MFHAS1: variants seen among roughly 807,000 people sequenced by gnomAD.
MFHAS1 encodes the protein malignant fibrous histiocytoma-amplified sequence 1.
In MFHAS1, 50 loss-of-function variants were observed where a neutral mutation model predicts 70.4. The ratio of observed to expected loss-of-function variants is 0.71; its 90% CI spans 0.57 to 0.90. The LOEUF is 0.90. Ranked by LOEUF, MFHAS1 falls within the 40% of genes least tolerant of loss-of-function variation. The probability of loss-of-function intolerance (pLI) is 0.00; values close to 1 mark genes in which losing one functional copy is unlikely to be tolerated. For synonymous variants in MFHAS1, 952 were observed against 620.0 expected (o/e 1.54, Z -7.96); for missense variants, 1,795 against 1,347.6 (o/e 1.33, Z -5.20).
chr8:8,872,082 G>A (rs940656277), intron 1 of MFHAS1, among the ~76,000 whole-genome samples: 1 of 152,216 alleles, frequency 6.6e-6, no homozygotes, highest in African/African-American at 2.4e-5. Flanking sequence ...ATGCCCGGAT[G>A]GCAAGCATTA....
At chr8:8,848,839 G>A (rs73525731) in intron 1 of MFHAS1, among the ~76,000 whole-genome samples, 31 of 152,250 alleles carry the variant, frequency 2.0e-4, no homozygotes, top group South Asian at 2.1e-4. Flanking sequence ...CAAACAGTGC[G>A]AAGTCGGTTT....
chr8:8,840,461 C>CAAAAAA (rs141909980), intron 1 of MFHAS1, among the ~76,000 whole-genome samples: 144 of 81,558 alleles, frequency 1.8e-3, no homozygotes, highest in Non-Finnish European at 2.0e-3. Flanking sequence ...CATCTCAATA[C>CAAAAAA]AAAAAAAAAA....
At chr8:8,859,646 A>G (rs1370373906) in intron 1 of MFHAS1, among the ~76,000 whole-genome samples, 1 of 152,196 alleles carries the variant, frequency 6.6e-6, no homozygotes, top group East Asian at 1.9e-4. Context: ...AACAGTAAAT[A>G]TATTTCCTCT....
At chr8:8,793,731 C>A (rs1278459448) in intron 2 of MFHAS1, among the ~76,000 whole-genome samples, 1 of 152,210 alleles carries the variant, frequency 6.6e-6, no homozygotes, top group African/African-American at 2.4e-5. Flanking sequence ...AGTCCTAAGG[C>A]CCCACTGGCC....
intron 1 of MFHAS1, among the ~76,000 whole-genome samples, chr8:8,878,932 G>T (rs1398612706): frequency 6.6e-6 from 1 of 152,166 alleles, no homozygotes; most frequent in Non-Finnish European, 1.5e-5. Flanking sequence ...TTTTTATTAT[G>T]ATGATATGCA....
At chr8:8,847,076 T>C (rs1442589003) in intron 1 of MFHAS1, among the ~76,000 whole-genome samples, 1 of 152,248 alleles carries the variant, frequency 6.6e-6, no homozygotes, top group Non-Finnish European at 1.5e-5. Flanking sequence ...TCTTAGATTT[T>C]TCAGAGGAAT....
At chr8:8,849,525 G>A (rs1256644754) in intron 1 of MFHAS1, among the ~76,000 whole-genome samples, 10 of 152,198 alleles carry the variant, frequency 6.6e-5, no homozygotes, top group African/African-American at 1.2e-4. Context: ...AGTAAGAAAC[G>A]TGGGGTTATT....
intron 1 of MFHAS1, among the ~76,000 whole-genome samples, chr8:8,852,622 C>T (rs897379053): frequency 4.6e-5 from 7 of 152,152 alleles, no homozygotes; most frequent in Admixed American, 2.0e-4. Flanking sequence ...TGGACACCAT[C>T]GCCCTTCATT....
intron 1 of MFHAS1, among the ~76,000 whole-genome samples, chr8:8,811,664 T>C (rs1489639091): frequency 6.6e-6 from 1 of 152,156 alleles, no homozygotes; most frequent in Non-Finnish European, 1.5e-5. Flanking sequence ...GGACGTAAGC[T>C]CCACAAGAGT....
At chr8:8,798,285 C>T (rs1185767229) in intron 1 of MFHAS1, among the ~76,000 whole-genome samples, 1 of 152,168 alleles carries the variant, frequency 6.6e-6, no homozygotes. Flanking sequence ...AGATGGGACA[C>T]ATTATTGTTC....
chr8:8,846,281 G>C lies in MFHAS1; in HGVS notation c.2998+43780C>G, dbSNP rs574557821. On this transcript the variant is annotated intron_variant, in intron 1 of 2. Coordinates refer to ENST00000276282, the MANE Select transcript of MFHAS1 (RefSeq NM_004225.3). ...AAAAAAGGGGGGGGGGGAAGGAGGA[G>C]GAGGGGGAGGAGGATAAGAAGGAGG... Among the ~76,000 whole-genome samples, 67 of 122,370 alleles carry C rather than the reference G, an allele frequency of 5.5e-4. 1 individual carries two copies. Among genetic ancestry groups the C allele is most frequent in the African/African-American group, 1.8e-3 (55 of 31,076 alleles). 80.3% of individuals were successfully genotyped at this position (122,370 alleles called of 152,430 possible).
intron 1 of MFHAS1, among the ~76,000 whole-genome samples, chr8:8,872,966 G>A (rs1809138450): frequency 1.3e-5 from 2 of 152,130 alleles, no homozygotes; most frequent in African/African-American, 2.4e-5. Context: ...AGACAACCGG[G>A]CAGTGCCACT....
At chr8:8,786,122 A>C in intron 2 of MFHAS1, 67 bp from the exon 3 acceptor site, 1 of 1,340,494 alleles carries the variant, frequency 7.5e-7, no homozygotes, top group Non-Finnish European at 1.1e-6. Flanking sequence ...TACCCTCAAT[A>C]AGAAAAGGAA....
intron 1 of MFHAS1, among the ~76,000 whole-genome samples, chr8:8,887,577 A>T (rs923606457): frequency 3.3e-5 from 5 of 149,896 alleles, no homozygotes; most frequent in African/African-American, 9.8e-5. Flanking sequence ...TTTTATAATT[A>T]TATGTATATG....
Position 8,824,521 on chromosome 8 carries a change from TCACACACACACA to T in MFHAS1, c.2999-27042_2999-27031del, listed in dbSNP as rs57194505. On this transcript the variant is annotated intron_variant, in intron 1 of 2. Transcript: ENST00000276282. ...GAAAGTCTTTCTCTTTCTCTCTCTT[TCACACACACACA>T]CACACACACACACACACACACACAC... Among the ~76,000 whole-genome samples, 614 of 146,018 alleles carry T rather than the reference TCACACACACACA, an allele frequency of 4.2e-3. 5 individuals carry two copies. The highest frequency in any genetic ancestry group is 0.021 in the Middle Eastern group (6 of 282).
chr8:8,787,519 A>G (rs1028162269), intron 2 of MFHAS1, among the ~76,000 whole-genome samples: 1 of 152,170 alleles, frequency 6.6e-6, no homozygotes, highest in Non-Finnish European at 1.5e-5. Context: ...GGATATTTGG[A>G]GCCCTAGGAA....
At chr8:8,882,067 C>T (rs1055734071) in intron 1 of MFHAS1, among the ~76,000 whole-genome samples, 1 of 152,070 alleles carries the variant, frequency 6.6e-6, no homozygotes, top group Admixed American at 6.6e-5. Context: ...CAATGGCTTC[C>T]TTTAAAATGC....
chr8:8,826,901 G>A (rs1807185945), intron 1 of MFHAS1, among the ~76,000 whole-genome samples: 1 of 152,212 alleles, frequency 6.6e-6, no homozygotes, highest in Non-Finnish European at 1.5e-5. Context: ...GTACCGCAGA[G>A]GAGAAAGATG....
At chr8:8,867,033 T>G (rs1021512186) in intron 1 of MFHAS1, among the ~76,000 whole-genome samples, 7 of 152,152 alleles carry the variant, frequency 4.6e-5, no homozygotes, top group African/African-American at 1.4e-4. Context: ...GAAAGAGAGA[T>G]GGGTTGGTAT....
Sources: gnomAD v4.1 joint callset for allele counts (sites outside exome capture counted in the v4.1 genomes callset) on GRCh38, gnomAD v4.1.1 for gene constraint, MANE v1.5 for transcripts, NCBI Gene and HGNC (gene_info 2026-07-23, HGNC 2026-07-21) for gene names.